HMMR: variants seen among roughly 807,000 people sequenced by gnomAD.
HMMR encodes hyaluronan mediated motility receptor.
Under a neutral mutation model 101.0 loss-of-function variants are expected in HMMR, and 108 were observed. That is an observed-to-expected ratio of 1.07 (90% CI 0.92 to 1.25). The LOEUF (loss-of-function observed/expected upper bound fraction) is 1.25, where lower values mean the gene tolerates loss of function less well. HMMR is among the 50% of genes most tolerant of loss of function. The pLI is 0.00. For synonymous variants in HMMR, 296 were observed against 276.4 expected, an observed-to-expected ratio of 1.07 and a Z score of -0.70; for missense variants, 813 against 788.7, an observed-to-expected ratio of 1.03 and a Z score of -0.37.
Position 163,483,144 on chromosome 5 carries a change from A to G in HMMR, c.1657A>G (p.Arg553Gly), listed in dbSNP as rs1159122773. The change falls in exon 14 of 18, where the codon AGA becomes GGA. Residue 553 changes from arginine to glycine, a missense_variant. Physicochemically the swap from Arg to Gly is moderately radical, Grantham distance 125 (BLOSUM62 -2). Transcript: ENST00000393915. ...NQLKQQEEDF[R>G]KQLEDEEGRK... ...ACTCAAGCAACAGGAGGAAGACTTT[A>G]GAAAACAGCTGGAAGATGAAGAAGG... 1 of 1,611,970 alleles carries G rather than the reference A, an allele frequency of 6.2e-7. No homozygotes were observed. Among genetic ancestry groups the G allele is most frequent in the Non-Finnish European group, 8.5e-7 (1 of 1,179,494 alleles).
intron 1 of HMMR, among the ~76,000 whole-genome samples, chr5:163,462,207 T>C (rs1758563329): frequency 6.6e-6 from 1 of 152,178 alleles, no homozygotes; most frequent in Non-Finnish European, 1.5e-5. Flanking sequence ...TGCATTATAG[T>C]AGGTTAAACT....
At chr5:163,467,983 T>G (rs1277751055) in intron 4 of HMMR, among the ~76,000 whole-genome samples, 2 of 152,256 alleles carry the variant, frequency 1.3e-5, no homozygotes, top group Admixed American at 1.3e-4. Context: ...AATGAAAAAC[T>G]GATAACTGAA....
chr5:163,470,392 C>T (rs570267111), intron 5 of HMMR, among the ~76,000 whole-genome samples: 25 of 152,222 alleles, frequency 1.6e-4, no homozygotes, highest in Middle Eastern at 3.4e-3. Context: ...GAAGCTGAGA[C>T]GGATGGATCA....
intron 3 of HMMR, among the ~76,000 whole-genome samples, chr5:163,466,263 A>G (rs1418753459): frequency 6.6e-6 from 1 of 152,198 alleles, no homozygotes; most frequent in Non-Finnish European, 1.5e-5. Context: ...AGCGAGACCT[A>G]TCTCAAAGAT....
intron 12 of HMMR, among the ~76,000 whole-genome samples, chr5:163,480,221 T>G (rs1411453431): frequency 6.6e-6 from 1 of 152,192 alleles, no homozygotes; most frequent in Non-Finnish European, 1.5e-5. Context: ...TCCTTGCTTT[T>G]TCCCCCCTGT....
chr5:163,475,690 C>G lies in HMMR; in HGVS notation c.1268+18C>G, dbSNP rs373696743. The G allele has an allele frequency of 7.2e-7, 1 of 1,385,082 alleles. No homozygotes were observed. The highest frequency in any genetic ancestry group is 1.0e-6 in the Non-Finnish European group (1 of 989,252). 85.8% of individuals were successfully genotyped at this position (1,385,082 alleles called of 1,614,324 possible). A position where few individuals can be genotyped will look rare whatever the true frequency, so the allele number is the denominator to read the frequency against. Reference sequence around the variant, plus strand: ...CTGAAAGGGTTTGTATTAATAGGATCTCATGTTTATGTATGACTTCAGATG... The same window carrying G: ...CTGAAAGGGTTTGTATTAATAGGATGTCATGTTTATGTATGACTTCAGATG... On this transcript the variant is annotated intron_variant, in intron 11 of 17. Transcript: ENST00000393915.
At chr5:163,483,717 A>C (rs1561646063) in intron 15 of HMMR, among the ~76,000 whole-genome samples, 1 of 152,120 alleles carries the variant, frequency 6.6e-6, no homozygotes, top group African/African-American at 2.4e-5. Flanking sequence ...GACTTATTGC[A>C]AATACTCATT....
intron 4 of HMMR, 78 bp from the exon 5 acceptor site, chr5:163,469,563 A>G (rs1758806786): frequency 8.6e-7 from 1 of 1,163,460 alleles, no homozygotes; most frequent in African/African-American, 1.6e-5. Context: ...CAGAAACTTT[A>G]GGGGTGATTA....
intron 1 of HMMR, among the ~76,000 whole-genome samples, chr5:163,461,707 C>G (rs928913820): frequency 6.6e-6 from 1 of 151,836 alleles, no homozygotes; most frequent in African/African-American, 2.4e-5. Flanking sequence ...GGCGTGAACC[C>G]GGGAGGCGGA....
intron 16 of HMMR, among the ~76,000 whole-genome samples, chr5:163,488,318 T>C (rs2113522999): frequency 1.3e-5 from 2 of 152,268 alleles, no homozygotes; most frequent in East Asian, 3.9e-4. Context: ...CAGCCCTTGT[T>C]TAATGGCTGA....
chr5:163,461,805 A>G (rs1412318733), intron 1 of HMMR, among the ~76,000 whole-genome samples: 2 of 152,050 alleles, frequency 1.3e-5, no homozygotes, highest in Non-Finnish European at 2.9e-5. Flanking sequence ...AAAATGCTGT[A>G]TGCTGGGACT....
chr5:163,473,613 G>A (rs952692254), intron 9 of HMMR, 56 bp downstream of exon 9: 10 of 1,052,720 alleles, frequency 9.5e-6, no homozygotes, highest in East Asian at 5.1e-5. Flanking sequence ...ACAACATTTA[G>A]GAAAAATACT....
At chr5:163,475,736 T>G (rs1759050302) in intron 11 of HMMR, 64 bp downstream of exon 11, 1 of 723,416 alleles carries the variant, frequency 1.4e-6, no homozygotes. Flanking sequence ...GAGTACTTTT[T>G]TTAGTATTCT....
Position 163,478,766 on chromosome 5 carries a change from C to T in HMMR, c.1351C>T (p.Gln451Ter). 1 of 1,610,660 alleles carries T rather than the reference C, an allele frequency of 6.2e-7. No homozygotes were observed. Among genetic ancestry groups the T allele is most frequent in the East Asian group, 2.2e-5 (1 of 44,848 alleles). ...LLQEKYDSMVQSLEDVTAQFE... is the reference protein window; with the variant it reads ...LLQEKYDSMV The stretch of plus-strand genomic sequence containing the variant: ...GCAGGAAAAGTATGACAGTATGGTG[C>T]AAAGCCTTGAAGATGTTACTGCTCA... Residue 451 changes from glutamine to a stop codon, truncating the protein, a stop_gained, in exon 12 of 18, where the codon CAA becomes TAA. Coordinates refer to ENST00000393915, the MANE Select transcript of HMMR (RefSeq NM_001142556.2). LOFTEE classifies it high-confidence loss of function.
intron 16 of HMMR, among the ~76,000 whole-genome samples, chr5:163,487,950 G>A (rs1759534920): frequency 6.6e-6 from 1 of 151,888 alleles, no homozygotes; most frequent in Admixed American, 6.6e-5. Context: ...AACCTCCCTG[G>A]GCTCAGGTGA....
chr5:163,475,949 G>C (rs1759058260), intron 11 of HMMR, among the ~76,000 whole-genome samples: 1 of 151,964 alleles, frequency 6.6e-6, no homozygotes, highest in Non-Finnish European at 1.5e-5. Context: ...ATAAACAAAT[G>C]ACAAAAGTTT....
rs6881930 is a variant in HMMR, at chr5:163,467,840, A to G, written c.273+92A>G. 1,159 of 766,642 alleles carry G rather than the reference A, an allele frequency of 1.5e-3. 3 individuals carry two copies. Among genetic ancestry groups the G allele is most frequent in the Non-Finnish European group, 2.1e-3 (972 of 452,220 alleles). The allele number at this position is 766,642 out of a possible 1,614,324, so 47.5% of individuals were successfully genotyped here. The stretch of plus-strand genomic sequence containing the variant: ...ATAAGGATTCTGTTGCAGTGTGAGG[A>G]GTCCTGCAGTGAGGCAAACATGCCA... On this transcript the variant is annotated intron_variant, in intron 4 of 17. Coordinates refer to ENST00000393915, the MANE Select transcript of HMMR (RefSeq NM_001142556.2).
intron 2 of HMMR, among the ~76,000 whole-genome samples, chr5:163,464,398 A>G (rs1384029923): frequency 6.6e-6 from 1 of 152,170 alleles, no homozygotes; most frequent in Non-Finnish European, 1.5e-5. Context: ...GGTGGATCAC[A>G]TGAGTTCAGG....
At chr5:163,487,570 T>A (rs1047281720) in intron 16 of HMMR, among the ~76,000 whole-genome samples, 4 of 152,174 alleles carry the variant, frequency 2.6e-5, no homozygotes, top group Admixed American at 6.5e-5. Context: ...TTGTGAATAT[T>A]TTTTGGTTAC....
Sources: gnomAD v4.1 joint callset for allele counts (sites outside exome capture counted in the v4.1 genomes callset) on GRCh38, gnomAD v4.1.1 for gene constraint, MANE v1.5 for transcripts, NCBI Gene and HGNC (gene_info 2026-07-23, HGNC 2026-07-21) for gene names.